The following SNTG1 variants were observed in gnomAD, a reference collection of about 807,000 sequenced individuals.
SNTG1 encodes syntrophin gamma 1, also known as gamma-1-syntrophin.
SNTG1 carries 39 observed loss-of-function variants against 74.7 expected under a neutral mutation model. The observed-to-expected ratio is 0.52, with a 90% CI of 0.40 to 0.68. The LOEUF is 0.68. SNTG1 is among the 30% of genes least tolerant of loss of function. The pLI is 0.00. For synonymous variants in SNTG1, 254 were observed against 217.1 expected (o/e 1.17, Z -1.49); for missense variants, 685 against 609.5 (o/e 1.12, Z -1.30).
At chr8:50,266,675 T>TAC (rs2087489395) in intron 2 of SNTG1, among the ~76,000 whole-genome samples, 1 of 118,822 alleles carries the variant, frequency 8.4e-6, no homozygotes, top group African/African-American at 2.9e-5. Flanking sequence ...TGTGTGTGTG[T>TAC]GTGTGTGTGT....
chr8:50,462,185 A>G (rs2093569350), intron 8 of SNTG1, among the ~76,000 whole-genome samples: 1 of 136,518 alleles, frequency 7.3e-6, no homozygotes, highest in African/African-American at 2.5e-5. Context: ...AGAATATCAC[A>G]CTAAAGTGAG....
chr8:50,759,105 C>A (rs2095589854), intron 18 of SNTG1, among the ~76,000 whole-genome samples: 1 of 151,946 alleles, frequency 6.6e-6, no homozygotes, highest in African/African-American at 2.4e-5. Context: ...GCATAAATGT[C>A]TTTTTTTGAA....
chr8:50,604,327 G>A (rs1377658434), intron 13 of SNTG1, among the ~76,000 whole-genome samples: 2 of 151,718 alleles, frequency 1.3e-5, no homozygotes, highest in African/African-American at 4.8e-5. Context: ...GAGGTGGGAG[G>A]ATCACTTGAG....
chr8:50,072,244 C>T (rs868671418), intron 1 of SNTG1, among the ~76,000 whole-genome samples: 25 of 152,116 alleles, frequency 1.6e-4, no homozygotes. Flanking sequence ...AAAATAGTAA[C>T]TGCTATAGAG....
chr8:49,935,523 CAAA>C (rs59390567), intron 1 of SNTG1, among the ~76,000 whole-genome samples: 2 of 75,616 alleles, frequency 2.6e-5, no homozygotes, highest in Non-Finnish European at 3.0e-5. Flanking sequence ...AGATGTAAAC[CAAA>C]AAAAAAAAAA....
intron 1 of SNTG1, among the ~76,000 whole-genome samples, chr8:50,151,363 C>A (rs2082062954): frequency 6.6e-6 from 1 of 152,130 alleles, no homozygotes; most frequent in Non-Finnish European, 1.5e-5. Flanking sequence ...AAAAAACCAG[C>A]TCCCGGTTTC....
rs2090713402 is a variant in SNTG1, at chr8:50,325,596, G to A, written c.-27-68616G>A. ...TGCAAGCTTGCTATATTACTTATTA[G>A]TTCTAGGAGTTATTTTGTCAATTAT... On this transcript the variant is annotated intron_variant, in intron 2 of 18. Coordinates refer to ENST00000642720, the MANE Select transcript of SNTG1 (RefSeq NM_018967.5). Among the ~76,000 whole-genome samples, 3 of 151,964 alleles carry A rather than the reference G, an allele frequency of 2.0e-5. No homozygotes were observed. The South Asian group carries it at 6.2e-4, about 31-fold the overall frequency.
At chr8:49,947,295 C>T (rs918310260) in intron 1 of SNTG1, among the ~76,000 whole-genome samples, 7 of 151,602 alleles carry the variant, frequency 4.6e-5, no homozygotes, top group East Asian at 1.9e-4. Flanking sequence ...AGCAAAACTC[C>T]GTCTCAAAAA....
At chr8:49,944,871 T>A (rs1809031070) in intron 1 of SNTG1, among the ~76,000 whole-genome samples, 1 of 151,546 alleles carries the variant, frequency 6.6e-6, no homozygotes, top group South Asian at 2.1e-4. Flanking sequence ...CACTGAAACC[T>A]TCATCTCCCG....
chr8:50,051,077 T>A (rs1034211177), intron 1 of SNTG1, among the ~76,000 whole-genome samples: 1 of 151,998 alleles, frequency 6.6e-6, no homozygotes, highest in Non-Finnish European at 1.5e-5. Flanking sequence ...CCCCTAAGAC[T>A]GGGAACAAGA....
chr8:50,736,969 T>C (rs1429061019), intron 17 of SNTG1, among the ~76,000 whole-genome samples: 1 of 151,976 alleles, frequency 6.6e-6, no homozygotes, highest in East Asian at 1.9e-4. Context: ...GGGAAAGATC[T>C]AAAATCAATA....
intron 4 of SNTG1, among the ~76,000 whole-genome samples, chr8:50,427,314 T>G (rs1054724044): frequency 3.3e-5 from 5 of 152,102 alleles, no homozygotes; most frequent in Non-Finnish European, 5.9e-5. Context: ...AACATAATGA[T>G]TATTATTAAT....
intron 1 of SNTG1, among the ~76,000 whole-genome samples, chr8:49,965,249 C>T (rs1484491655): frequency 6.6e-6 from 1 of 152,178 alleles, no homozygotes; most frequent in Non-Finnish European, 1.5e-5. Flanking sequence ...TACAGTTCTC[C>T]TGTGGATTCT....
intron 9 of SNTG1, among the ~76,000 whole-genome samples, chr8:50,521,173 A>G (rs1184860090): frequency 6.6e-6 from 1 of 152,188 alleles, no homozygotes; most frequent in Non-Finnish European, 1.5e-5. Context: ...ACAGGAACAG[A>G]AAACCAAACA....
At chr8:50,502,733 T>C (rs2093971975) in intron 8 of SNTG1, 45 bp from the exon 9 acceptor site, 3 of 1,490,846 alleles carry the variant, frequency 2.0e-6, no homozygotes, top group South Asian at 2.4e-5. Context: ...TCATATAACA[T>C]GATAAATGTA....
intron 2 of SNTG1, among the ~76,000 whole-genome samples, chr8:50,337,547 G>A (rs548013142): frequency 6.6e-6 from 1 of 152,102 alleles, no homozygotes; most frequent in South Asian, 2.1e-4. Flanking sequence ...TTTAACAAAG[G>A]TCTCCCCTCA....
chr8:50,253,726 C>T (rs1289539640), intron 2 of SNTG1, among the ~76,000 whole-genome samples: 8 of 151,620 alleles, frequency 5.3e-5, no homozygotes, highest in African/African-American at 1.5e-4. Context: ...GAATGGAATA[C>T]TATTCAGCTG....
At chr8:50,180,983 C>T (rs907693337) in intron 2 of SNTG1, among the ~76,000 whole-genome samples, 3 of 152,002 alleles carry the variant, frequency 2.0e-5, no homozygotes, top group Non-Finnish European at 4.4e-5. Context: ...AGTCTGGTCT[C>T]GAACTCCTGG....
rs2095035303 is a variant in SNTG1 at position 50,635,776 on chromosome 8, CTCT to C, written c.850-21132_850-21130del. ...AGAGATCCCATGAGCCCACTTGATG[CTCT>C]AACCCCTGTGGTTGAGCTGGTACAA... On this transcript the variant is annotated intron_variant, in intron 13 of 18. Transcript: ENST00000642720. Among the ~76,000 whole-genome samples the C allele has an allele frequency of 9.9e-5, 15 of 152,266 alleles. No individual in the cohort carries two copies. In the South Asian group the frequency reaches 3.1e-3, roughly 32 times the overall value.
Sources: gnomAD v4.1 joint callset for allele counts (sites outside exome capture counted in the v4.1 genomes callset) on GRCh38, gnomAD v4.1.1 for gene constraint, MANE v1.5 for transcripts, NCBI Gene and HGNC (gene_info 2026-07-23, HGNC 2026-07-21) for gene names.